EPB41L3: variants seen among roughly 807,000 people sequenced by gnomAD.
EPB41L3 encodes band 4.1-like protein 3.
EPB41L3 carries 57 observed loss-of-function variants against 127.1 expected under a neutral mutation model. The ratio of observed to expected loss-of-function variants is 0.45; its 90% CI spans 0.36 to 0.56. The LOEUF is 0.56. Among genes scored for constraint, EPB41L3 ranks in the 20% least tolerant of loss-of-function variants. EPB41L3 has a pLI of 0.00. For synonymous variants in EPB41L3, 572 were observed against 549.5 expected (o/e 1.04, Z -0.57); for missense variants, 1,273 against 1,372.2 (o/e 0.93, Z 1.14).
intron 3 of EPB41L3, among the ~76,000 whole-genome samples, chr18:5,560,947 ATTTAT>A (rs2094117425): frequency 3.1e-3 from 23 of 7,388 alleles, no homozygotes; most frequent in Non-Finnish European, 8.9e-3. Context: ...GTAATTATTT[ATTTAT>A]TTATTTATTT....
At chr18:5,603,279 C>T (rs2094609567) in intron 3 of EPB41L3, among the ~76,000 whole-genome samples, 1 of 152,124 alleles carries the variant, frequency 6.6e-6, no homozygotes, top group Non-Finnish European at 1.5e-5. Context: ...AAGTCACTTT[C>T]TTTTGGACTG....
At chr18:5,412,521 C>T (rs2076323469) in intron 13 of EPB41L3, among the ~76,000 whole-genome samples, 1 of 152,092 alleles carries the variant, frequency 6.6e-6, no homozygotes, top group Admixed American at 6.6e-5. Flanking sequence ...CCACCGCGCG[C>T]CCAGCTCGAA....
At chr18:5,460,279 G>A (rs2083765626) in intron 3 of EPB41L3, among the ~76,000 whole-genome samples, 1 of 152,122 alleles carries the variant, frequency 6.6e-6, no homozygotes, top group Admixed American at 6.5e-5. Flanking sequence ...TCTCAGTAAT[G>A]ATCCTTCAGG....
At chr18:5,539,066 GT>G (rs1281304664) in intron 1 of EPB41L3, among the ~76,000 whole-genome samples, 2 of 131,600 alleles carry the variant, frequency 1.5e-5, no homozygotes, top group African/African-American at 5.8e-5. Context: ...ATACAATTTC[GT>G]AAGTATTTAC....
At chr18:5,626,063 T>C (rs555928552) in intron 1 of EPB41L3, among the ~76,000 whole-genome samples, 2 of 152,264 alleles carry the variant, frequency 1.3e-5, no homozygotes, top group South Asian at 4.1e-4. Context: ...GTCTCGTCGC[T>C]GCTTTCAACT....
chr18:5,473,522 T>G (rs1317796978), intron 3 of EPB41L3, among the ~76,000 whole-genome samples: 2 of 150,528 alleles, frequency 1.3e-5, no homozygotes, highest in Non-Finnish European at 3.0e-5. Context: ...TAGATTAGAA[T>G]GGTGCCCAAA....
intron 1 of EPB41L3, among the ~76,000 whole-genome samples, chr18:5,516,808 G>T (rs2092769881): frequency 6.6e-6 from 1 of 152,146 alleles, no homozygotes; most frequent in South Asian, 2.1e-4. Flanking sequence ...GATCAGAACA[G>T]TTAAAACCAG....
At chr18:5,610,316 G>T (rs2094711548) in intron 3 of EPB41L3, 1 of 985,152 alleles carries the variant, frequency 1.0e-6, no homozygotes, top group Non-Finnish European at 1.2e-6. Flanking sequence ...GCACGAGAAT[G>T]ACACTTCCCT....
chr18:5,595,846 T>A (rs1347322352), intron 3 of EPB41L3, among the ~76,000 whole-genome samples: 1 of 152,184 alleles, frequency 6.6e-6, no homozygotes, highest in Non-Finnish European at 1.5e-5. Context: ...CATGGAATAC[T>A]ATTGGGGGTA....
At chr18:5,435,572 A>G (rs1177197780) in intron 6 of EPB41L3, among the ~76,000 whole-genome samples, 2 of 152,222 alleles carry the variant, frequency 1.3e-5, no homozygotes, top group African/African-American at 4.8e-5. Flanking sequence ...TTTATCCTAG[A>G]GCCTAGATGA....
At chr18:5,484,827 A>C (rs1476891099) in intron 2 of EPB41L3, among the ~76,000 whole-genome samples, 1 of 152,006 alleles carries the variant, frequency 6.6e-6, no homozygotes, top group Non-Finnish European at 1.5e-5. Flanking sequence ...ATGAGTAATG[A>C]GATCAAAGCT....
At chr18:5,420,243 T>C in intron 11 of EPB41L3, 1 of 314,152 alleles carries the variant, frequency 3.2e-6, no homozygotes, top group Non-Finnish European at 6.0e-6. Context: ...GCTGGGCATA[T>C]TATCACCATT....
chr18:5,586,565 A>ATTTTT (rs10669405), intron 3 of EPB41L3, among the ~76,000 whole-genome samples: 13 of 125,972 alleles, frequency 1.0e-4, no homozygotes, highest in Non-Finnish European at 1.8e-4. Flanking sequence ...ATACATGACT[A>ATTTTT]TTTTTTTTTT....
At chr18:5,607,272 T>G (rs910169243) in intron 3 of EPB41L3, among the ~76,000 whole-genome samples, 2 of 152,132 alleles carry the variant, frequency 1.3e-5, no homozygotes, top group Admixed American at 6.6e-5. Context: ...TTGGGAGAAG[T>G]CTTTAGCAAG....
chr18:5,526,490 C>G lies in EPB41L3; in HGVS notation c.-12+17423G>C, dbSNP rs2093225570. Among the ~76,000 whole-genome samples, 4 of 152,276 alleles carry G rather than the reference C, an allele frequency of 2.6e-5. No homozygotes were observed. In the South Asian group the frequency reaches 8.3e-4, roughly 32 times the overall value. On this transcript the variant is annotated intron_variant, in intron 1 of 22. Transcript: ENST00000341928. ...TTCCACTGACATCAGGAAGAAAGGA[C>G]TGTAACTGAATATAAATTTAAAAAT... is the stretch of plus-strand genomic sequence containing the variant.
chr18:5,626,642 T>G (rs2094926374), intron 1 of EPB41L3, among the ~76,000 whole-genome samples: 1 of 152,348 alleles, frequency 6.6e-6, no homozygotes, highest in East Asian at 1.9e-4. Context: ...AGTCACAAAT[T>G]AATTCTCACA....
intron 3 of EPB41L3, among the ~76,000 whole-genome samples, chr18:5,599,369 T>C (rs528353256): frequency 1.3e-5 from 2 of 152,258 alleles, no homozygotes; most frequent in Admixed American, 6.5e-5. Flanking sequence ...ATTCTCTGTA[T>C]CCCTTGGCTG....
At chr18:5,455,967 T>C (rs1444788330) in intron 3 of EPB41L3, among the ~76,000 whole-genome samples, 1 of 152,058 alleles carries the variant, frequency 6.6e-6, no homozygotes, top group Non-Finnish European at 1.5e-5. Context: ...TATTAGCTAA[T>C]TCTGAATGAC....
In EPB41L3 at chr18:5,393,247, G is replaced by A. The variant is rs574058998; in HGVS notation, c.*238C>T. The A allele has an allele frequency of 1.4e-5, 6 of 425,372 alleles. No homozygotes were observed. The East Asian group carries it at 2.1e-4, about 15-fold the overall frequency. 26.3% of individuals were successfully genotyped at this position (425,372 alleles called of 1,614,324 possible). ...TGAAAATTAAAAATGCTGCTCTTTT[G>A]TAATTTTATCGTTGCTTCATGCATT... is the stretch of plus-strand genomic sequence containing the variant. On this transcript the variant is annotated 3_prime_UTR_variant, in exon 23 of 23. Transcript: ENST00000341928.
Sources: allele counts gnomAD v4.1 joint callset (sites outside exome capture counted in the v4.1 genomes callset), GRCh38; gene constraint gnomAD v4.1.1; transcripts MANE v1.5; gene names NCBI Gene and HGNC (gene_info 2026-07-23, HGNC 2026-07-21).